The following AGTPBP1 variants were observed in gnomAD, a reference collection of about 807,000 sequenced individuals.
AGTPBP1 encodes cytosolic carboxypeptidase 1.
AGTPBP1 carries 70 observed loss-of-function variants against 143.9 expected under a neutral mutation model. The ratio of observed to expected loss-of-function variants is 0.49; its 90% confidence interval spans 0.40 to 0.59. The LOEUF (loss-of-function observed/expected upper bound fraction) is 0.59, where lower values mean the gene tolerates loss of function less well. AGTPBP1 is among the 20% of genes least tolerant of loss of function. AGTPBP1 has a pLI of 0.00. For synonymous variants in AGTPBP1, 463 were observed against 500.2 expected (o/e 0.93, Z 0.99); for missense variants, 1,229 against 1,464.5 (o/e 0.84, Z 2.62).
At chr9:85,644,524 G>A (rs1283342943) in intron 12 of AGTPBP1, among the ~76,000 whole-genome samples, 19 of 151,322 alleles carry the variant, frequency 1.3e-4, no homozygotes, top group Non-Finnish European at 5.9e-5. Flanking sequence ...GGAATTTTGT[G>A]TTTGGTTTAA....
At chr9:85,657,308 A>T in intron 10 of AGTPBP1, 127 bp downstream of exon 10, 2 of 837,488 alleles carry the variant, frequency 2.4e-6, no homozygotes, top group Non-Finnish European at 3.6e-6. Context: ...TTTTACTTTT[A>T]AGATTTTCGA....
At chr9:85,672,448 CT>C in intron 7 of AGTPBP1, 101 bp downstream of exon 7, 1 of 1,330,320 alleles carries the variant, frequency 7.5e-7, no homozygotes. Flanking sequence ...CTTCTCTTTC[CT>C]TTTTCACAAA....
intron 17 of AGTPBP1, among the ~76,000 whole-genome samples, chr9:85,605,109 GA>G (rs1221495976): frequency 2.0e-5 from 3 of 152,114 alleles, no homozygotes; most frequent in African/African-American, 7.2e-5. Context: ...CAAACCTAGA[GA>G]AAGATATCAA....
chr9:85,629,192 C>A (rs1225263708), intron 14 of AGTPBP1, among the ~76,000 whole-genome samples: 1 of 152,116 alleles, frequency 6.6e-6, no homozygotes, highest in Non-Finnish European at 1.5e-5. Flanking sequence ...TATCTTAAAG[C>A]TTTGTTTTGA....
At chr9:85,585,426 G>A in intron 23 of AGTPBP1, 37 bp downstream of exon 23, 1 of 1,507,792 alleles carries the variant, frequency 6.6e-7, no homozygotes, top group Middle Eastern at 1.8e-4. Flanking sequence ...ATGCATGTTT[G>A]AAATTCAAAA....
intron 2 of AGTPBP1, among the ~76,000 whole-genome samples, chr9:85,711,105 G>A (rs1036992980): frequency 2.0e-5 from 3 of 152,186 alleles, no homozygotes; most frequent in East Asian, 1.9e-4. Flanking sequence ...TTATATACAC[G>A]TAAACATAAG....
chr9:85,584,476 C>A, intron 23 of AGTPBP1, among the ~76,000 whole-genome samples: 1 of 152,238 alleles, frequency 6.6e-6, no homozygotes, highest in Middle Eastern at 3.4e-3. Context: ...CTTTAAATGT[C>A]TGAGAACATC....
chr9:85,631,875 C>T (rs1438727699), intron 14 of AGTPBP1, among the ~76,000 whole-genome samples: 1 of 152,120 alleles, frequency 6.6e-6, no homozygotes, highest in Non-Finnish European at 1.5e-5. Context: ...GACAAATATT[C>T]ACTCATTGGC....
At chr9:85,667,900 C>A in intron 8 of AGTPBP1, among the ~76,000 whole-genome samples, 2 of 114,324 alleles carry the variant, frequency 1.7e-5, no homozygotes, top group African/African-American at 3.6e-5. Context: ...AGCAAGCCAA[C>A]TGTAAAAAAA....
chr9:85,700,057 A>G (rs1836543259), intron 2 of AGTPBP1, among the ~76,000 whole-genome samples: 1 of 152,208 alleles, frequency 6.6e-6, no homozygotes, highest in Non-Finnish European at 1.5e-5. Context: ...TCAACCTGTT[A>G]CAGTATCACA....
chr9:85,789,648 T>G, the AGTPBP1 span, among the ~76,000 whole-genome samples: 1 of 152,068 alleles, frequency 6.6e-6, no homozygotes, highest in Admixed American at 6.5e-5. Context: ...ATTTTTTTGT[T>G]GTTGCCTCAA....
chr9:85,656,193 C>G (rs1333569601), intron 10 of AGTPBP1, among the ~76,000 whole-genome samples: 1 of 152,086 alleles, frequency 6.6e-6, no homozygotes, highest in Non-Finnish European at 1.5e-5. Flanking sequence ...GGTTAAGGGA[C>G]ATGGGATATG....
At chr9:85,753,932 C>T in the AGTPBP1 span, among the ~76,000 whole-genome samples, 1 of 152,128 alleles carries the variant, frequency 6.6e-6, no homozygotes, top group Non-Finnish European at 1.5e-5. Context: ...CAGGGATACA[C>T]ATGCAGGTTT....
At position 85,655,329 on chromosome 9, in the gene AGTPBP1, T is replaced by TA. The variant is rs1458451790; in HGVS notation, c.910-10dup. ...CTGACTGCCAGACATTCCTGTTTTTTAAAAAAAGAAAAAGAAAAAGAATGT... is the reference window on the plus strand; with the variant it reads ...CTGACTGCCAGACATTCCTGTTTTTTAAAAAAAAGAAAAAGAAAAAGAATGT... On this transcript the variant is annotated splice_polypyrimidine_tract_variant and intron_variant, in intron 10 of 25. Coordinates refer to ENST00000357081, the MANE Select transcript of AGTPBP1 (RefSeq NM_001330701.2). The TA allele has an allele frequency of 3.6e-5, 53 of 1,471,020 alleles. No individual in the cohort carries two copies. The highest frequency in any genetic ancestry group is 1.7e-4 in the Admixed American group (6 of 35,326). 91.1% of individuals were successfully genotyped at this position (1,471,020 alleles called of 1,614,324 possible).
intron 11 of AGTPBP1, among the ~76,000 whole-genome samples, chr9:85,650,321 C>T (rs1833080788): frequency 6.6e-6 from 1 of 152,072 alleles, no homozygotes; most frequent in African/African-American, 2.4e-5. Context: ...GCCTCTGTCA[C>T]TCCTCAGATA....
At chr9:85,724,833 T>C (rs910330036) in intron 1 of AGTPBP1, among the ~76,000 whole-genome samples, 2 of 152,236 alleles carry the variant, frequency 1.3e-5, no homozygotes, top group African/African-American at 4.8e-5. Context: ...GCCAGCACAT[T>C]GCAGGTGCTA....
chr9:85,718,785 G>A (rs761437294), intron 1 of AGTPBP1, among the ~76,000 whole-genome samples: 1 of 152,064 alleles, frequency 6.6e-6, no homozygotes, highest in Non-Finnish European at 1.5e-5. Flanking sequence ...TTTTCTTCTA[G>A]GTTTTTATGG....
chr9:85,647,380 T>C (rs922510924), intron 11 of AGTPBP1, among the ~76,000 whole-genome samples: 15 of 152,366 alleles, frequency 9.8e-5, no homozygotes, highest in Middle Eastern at 3.4e-3. Context: ...GGTGTAAATA[T>C]AGTCTCTTCC....
intron 14 of AGTPBP1, among the ~76,000 whole-genome samples, 160 bp downstream of exon 14, chr9:85,632,502 A>G (rs898130589): frequency 2.0e-5 from 3 of 152,242 alleles, no homozygotes; most frequent in Admixed American, 6.5e-5. Flanking sequence ...CAACAAGGAC[A>G]ATTTCAAAAC....
Sources: gnomAD v4.1 joint callset for allele counts (sites outside exome capture counted in the v4.1 genomes callset) on GRCh38, gnomAD v4.1.1 for gene constraint, MANE v1.5 for transcripts, NCBI Gene and HGNC (gene_info 2026-07-23, HGNC 2026-07-21) for gene names.